LRRC37A2: variants seen among roughly 807,000 people sequenced by gnomAD.
LRRC37A2 encodes the protein leucine rich repeat containing 37 member A2.
In LRRC37A2, 9 loss-of-function variants were observed where a neutral mutation model predicts 68.8. The observed-to-expected ratio is 0.13, with a 90% CI of 0.08 to 0.23. LRRC37A2 has a LOEUF of 0.23. Ranked by LOEUF, LRRC37A2 falls within the 10% of genes least tolerant of loss-of-function variation. The probability of loss-of-function intolerance (pLI) is 1.00; values close to 1 mark genes in which losing one functional copy is unlikely to be tolerated. For missense variants in LRRC37A2, 168 were observed against 950.4 expected, an observed-to-expected ratio of 0.18 and a Z score of 10.82; for synonymous variants, 63 against 367.6, an observed-to-expected ratio of 0.17 and a Z score of 9.48.
the LRRC37A2 span, among the ~76,000 whole-genome samples, chr17:46,896,438 G>GAAAT: frequency 1.9e-5 from 2 of 102,806 alleles, no homozygotes; most frequent in African/African-American, 1.6e-4. Flanking sequence ...AAGAAAGAAA[G>GAAAT]AAAGAAAGAA....
chr17:46,722,042 T>A, the LRRC37A2 span: 1 of 1,609,584 alleles, frequency 6.2e-7, no homozygotes, highest in Non-Finnish European at 8.5e-7. Context: ...AATATTCAGC[T>A]CCCTGAGCTG....
the LRRC37A2 span, chr17:46,818,549 T>C: frequency 6.2e-7 from 1 of 1,608,822 alleles, no homozygotes; most frequent in East Asian, 2.2e-5. Context: ...AGGACCCTGG[T>C]GCCACCGAGC....
the LRRC37A2 span, among the ~76,000 whole-genome samples, chr17:46,844,228 A>T: frequency 2.0e-5 from 3 of 150,912 alleles, no homozygotes; most frequent in South Asian, 6.3e-4. Flanking sequence ...GAATGCTAGG[A>T]TTATAGGCAT....
the LRRC37A2 span, among the ~76,000 whole-genome samples, chr17:47,030,912 C>T: frequency 6.6e-6 from 1 of 152,062 alleles, no homozygotes; most frequent in Admixed American, 6.5e-5. Context: ...TGTGGTTGAT[C>T]GATGATGAAT....
the LRRC37A2 span, among the ~76,000 whole-genome samples, chr17:46,901,807 T>A: frequency 6.7e-6 from 1 of 148,726 alleles, no homozygotes. Context: ...GCAAGAATTT[T>A]TTTTTTTTTT....
the LRRC37A2 span, among the ~76,000 whole-genome samples, chr17:46,595,492 CTTTT>C: frequency 2.1e-5 from 2 of 96,118 alleles, no homozygotes; most frequent in Admixed American, 1.2e-4. Flanking sequence ...ATCACTGGAT[CTTTT>C]TTTTTTTTTT....
chr17:47,021,385 G>A, the LRRC37A2 span, among the ~76,000 whole-genome samples: 116 of 109,380 alleles, frequency 1.1e-3, no homozygotes, highest in African/African-American at 4.1e-3. Flanking sequence ...TAATAGGAGT[G>A]GAAAGAAAAA....
chr17:46,880,184 C>T, the LRRC37A2 span, among the ~76,000 whole-genome samples: 8 of 152,182 alleles, frequency 5.3e-5, no homozygotes, highest in African/African-American at 1.9e-4. Flanking sequence ...GCCTGCCTCT[C>T]ATGAGCACAT....
the LRRC37A2 span, among the ~76,000 whole-genome samples, chr17:46,724,285 C>T: frequency 1.4e-3 from 207 of 152,174 alleles, 1 homozygote; most frequent in African/African-American, 4.6e-3. Flanking sequence ...AAGGACAACC[C>T]GAAAATCTCA....
chr17:46,978,942 C>A, the LRRC37A2 span: 1 of 1,455,108 alleles, frequency 6.9e-7, no homozygotes. Context: ...CCAGGGCGGC[C>A]CCGGCGCCGC....
chr17:46,745,510 T>C, the LRRC37A2 span, among the ~76,000 whole-genome samples: 1 of 152,198 alleles, frequency 6.6e-6, no homozygotes, highest in Non-Finnish European at 1.5e-5. Context: ...GCATAGTCAC[T>C]GTTAATGTAA....
chr17:46,707,677 C>T, the LRRC37A2 span, among the ~76,000 whole-genome samples: 1 of 152,040 alleles, frequency 6.6e-6, no homozygotes, highest in South Asian at 2.1e-4. Context: ...GCATAATGTC[C>T]TCAAGGGTCA....
chr17:46,940,118 C>T, the LRRC37A2 span: 2 of 1,200,732 alleles, frequency 1.7e-6, no homozygotes, highest in Non-Finnish European at 2.1e-6. Flanking sequence ...TCCTCTTCAC[C>T]TCTCTTGTTC....
At chr17:46,706,976 G>A in the LRRC37A2 span, among the ~76,000 whole-genome samples, 2 of 146,614 alleles carry the variant, frequency 1.4e-5, no homozygotes, top group Non-Finnish European at 3.0e-5. Context: ...TCAGCCTCCC[G>A]AGTAGCTGGG....
chr17:46,751,133 T>G, the LRRC37A2 span, among the ~76,000 whole-genome samples: 1 of 152,234 alleles, frequency 6.6e-6, no homozygotes, highest in African/African-American at 2.4e-5. Context: ...TGTAGACAGC[T>G]TTTGTGCAGA....
At chr17:46,943,369 C>T in the LRRC37A2 span, among the ~76,000 whole-genome samples, 1 of 152,244 alleles carries the variant, frequency 6.6e-6, no homozygotes, top group African/African-American at 2.4e-5. Context: ...CAGCCCTCCC[C>T]ACCACCCCTG....
chr17:46,534,911 GCTC>G (rs1227534765), intron 6 of LRRC37A2, among the ~76,000 whole-genome samples: 4 of 149,192 alleles, frequency 2.7e-5, no homozygotes, highest in African/African-American at 5.1e-5. Flanking sequence ...GGGCGGAGGG[GCTC>G]CTCACTTCTC....
At chr17:46,761,422 C>T in the LRRC37A2 span, among the ~76,000 whole-genome samples, 2 of 151,434 alleles carry the variant, frequency 1.3e-5, no homozygotes, top group Non-Finnish European at 2.9e-5. Context: ...ACCTCCGCCT[C>T]CCAGGTTCAA....
chr17:46,875,354 C>T, the LRRC37A2 span: 57 of 1,604,502 alleles, frequency 3.6e-5, no homozygotes, highest in South Asian at 2.0e-4. Context: ...ACAATACCCA[C>T]GTGGGCATCA....
Sources: gnomAD v4.1 joint callset for allele counts (sites outside exome capture counted in the v4.1 genomes callset) on GRCh38, gnomAD v4.1.1 for gene constraint, MANE v1.5 for transcripts, NCBI Gene and HGNC (gene_info 2026-07-23, HGNC 2026-07-21) for gene names.